Variants in CCDC60 observed in about 807,000 individuals in gnomAD.
The protein encoded by CCDC60 is coiled-coil domain-containing protein 60.
Under a neutral mutation model 63.5 loss-of-function variants are expected in CCDC60, and 54 were observed. The observed-to-expected ratio is 0.85, with a 90% CI of 0.68 to 1.07. CCDC60 has a LOEUF of 1.07. CCDC60 is among the 50% of genes least tolerant of loss of function. The pLI, the probability that CCDC60 is intolerant of heterozygous loss-of-function variation, is 0.00. For synonymous variants in CCDC60, 206 were observed against 238.8 expected, an observed-to-expected ratio of 0.86 and a Z score of 1.27; for missense variants, 651 against 684.3, an observed-to-expected ratio of 0.95 and a Z score of 0.54.
At chr12:119,516,729 G>A in intron 8 of CCDC60, 22 bp downstream of exon 8, 1 of 1,522,974 alleles carries the variant, frequency 6.6e-7, no homozygotes, top group Non-Finnish European at 9.1e-7. Flanking sequence ...TGACTCCTGG[G>A]GCAAATAAAG....
chr12:119,535,214 G>T (rs935914233), intron 13 of CCDC60, among the ~76,000 whole-genome samples: 1 of 151,932 alleles, frequency 6.6e-6, no homozygotes, highest in Non-Finnish European at 1.5e-5. Context: ...AGGTGTTTAT[G>T]GTATTCTCTG....
At position 119,418,308 on chromosome 12, in the gene CCDC60, T is replaced by A. The variant is rs183366213; in HGVS notation, c.91-10375T>A. Among the ~76,000 whole-genome samples, 163 of 151,336 alleles carry A rather than the reference T, an allele frequency of 1.1e-3. 2 individuals are homozygous for A. Among genetic ancestry groups the A allele is most frequent in the Middle Eastern group, 6.9e-3 (2 of 288 alleles). ...TACCGAAGGACATTCTCCTTCATAG[T>A]CACAATACAGTTAACACAGAAATTT... is the stretch of plus-strand genomic sequence containing the variant. On this transcript the variant is annotated intron_variant, in intron 1 of 13. Coordinates refer to ENST00000327554, the MANE Select transcript of CCDC60 (RefSeq NM_178499.5).
At chr12:119,354,427 G>A (rs1476347194) in intron 1 of CCDC60, among the ~76,000 whole-genome samples, 1 of 152,170 alleles carries the variant, frequency 6.6e-6, no homozygotes, top group Non-Finnish European at 1.5e-5. Context: ...ATAACAGAGT[G>A]GCTTAGGTAA....
chr12:119,476,378 C>G (rs945059228), intron 3 of CCDC60, among the ~76,000 whole-genome samples: 3 of 152,130 alleles, frequency 2.0e-5, no homozygotes, highest in African/African-American at 4.8e-5. Context: ...CATGGTTGAG[C>G]CAGTAAGAAA....
chr12:119,511,613 G>A (rs879150616), intron 7 of CCDC60, among the ~76,000 whole-genome samples: 2 of 152,198 alleles, frequency 1.3e-5, no homozygotes, highest in African/African-American at 4.8e-5. Context: ...ATGGATTTAG[G>A]CATTCAAGGG....
chr12:119,505,380 T>G (rs1951970299), intron 7 of CCDC60, 77 bp downstream of exon 7: 1 of 919,972 alleles, frequency 1.1e-6, no homozygotes, highest in Non-Finnish European at 1.7e-6. Context: ...CCCTCCTGCC[T>G]CAAGTCCACC....
Position 119,488,842 on chromosome 12 carries a change from C to T in CCDC60, c.533C>T (p.Pro178Leu). 3 of 1,614,188 alleles carry T rather than the reference C, an allele frequency of 1.9e-6. No individual in the cohort carries two copies. Among genetic ancestry groups the T allele is most frequent in the Non-Finnish European group, 2.5e-6 (3 of 1,179,994 alleles). ...GACCACACCCACCACACCATGAAGC[C>T]TGTGATCACCTGCTGGAACCCAAAG... Reference protein sequence around the residue: ...TIDHTHHTMKPVITCWNPKDP... With the variant: ...TIDHTHHTMKLVITCWNPKDP... The change falls in exon 5 of 14, where the codon CCT becomes CTT. Residue 178 changes from proline to leucine, a missense_variant. By Grantham distance (98) the Pro-to-Leu change is moderately conservative. Coordinates refer to ENST00000327554, the MANE Select transcript of CCDC60 (RefSeq NM_178499.5).
chr12:119,433,548 A>G (rs1396935673), intron 2 of CCDC60: 5 of 702,246 alleles, frequency 7.1e-6, no homozygotes, highest in African/African-American at 1.7e-5. Context: ...AGGAAACACC[A>G]TGTTTTCCAA....
At chr12:119,360,257 C>A (rs1322272828) in intron 1 of CCDC60, among the ~76,000 whole-genome samples, 1 of 150,966 alleles carries the variant, frequency 6.6e-6, no homozygotes, top group Non-Finnish European at 1.5e-5. Context: ...AGGCGCCCCT[C>A]ACCTCCCGGA....
chr12:119,357,925 G>C (rs770391594), intron 1 of CCDC60, among the ~76,000 whole-genome samples: 19 of 152,154 alleles, frequency 1.2e-4, no homozygotes, highest in Admixed American at 2.6e-4. Flanking sequence ...TCAGCTTCTG[G>C]GGAGACCTCA....
chr12:119,416,523 G>A (rs1370071713), intron 1 of CCDC60, among the ~76,000 whole-genome samples: 1 of 152,122 alleles, frequency 6.6e-6, no homozygotes, highest in Non-Finnish European at 1.5e-5. Flanking sequence ...TTATTACTGA[G>A]GCCCTTACAC....
chr12:119,389,472 C>G (rs1245224533), intron 1 of CCDC60, among the ~76,000 whole-genome samples: 1 of 152,058 alleles, frequency 6.6e-6, no homozygotes, highest in Admixed American at 6.5e-5. Context: ...CTATATTATT[C>G]CCCTGTGGTG....
At chr12:119,463,905 C>T (rs979077897) in intron 2 of CCDC60, among the ~76,000 whole-genome samples, 1 of 152,172 alleles carries the variant, frequency 6.6e-6, no homozygotes, top group African/African-American at 2.4e-5. Flanking sequence ...GTGCCCAGAC[C>T]ATCACTGTTA....
intron 6 of CCDC60, among the ~76,000 whole-genome samples, chr12:119,501,933 A>G (rs1275234650): frequency 6.6e-6 from 1 of 152,146 alleles, no homozygotes. Context: ...CCTCAGACAA[A>G]TCCTTTCCCC....
At chr12:119,355,573 G>C (rs1592986264) in intron 1 of CCDC60, among the ~76,000 whole-genome samples, 1 of 152,178 alleles carries the variant, frequency 6.6e-6, no homozygotes, top group Non-Finnish European at 1.5e-5. Flanking sequence ...AGCCCGGGAG[G>C]GTTCTTGGCT....
At chr12:119,437,007 A>G (rs569956147) in intron 2 of CCDC60, among the ~76,000 whole-genome samples, 2 of 152,212 alleles carry the variant, frequency 1.3e-5, no homozygotes, top group Non-Finnish European at 2.9e-5. Context: ...CCAGTAGGCT[A>G]GTTTGCCAAC....
intron 1 of CCDC60, among the ~76,000 whole-genome samples, chr12:119,359,027 C>T (rs1445341782): frequency 6.6e-6 from 1 of 152,134 alleles, no homozygotes; most frequent in African/African-American, 2.4e-5. Flanking sequence ...AAACAGTTAT[C>T]CATAGGGGTG....
At chr12:119,400,086 G>C (rs960145066) in intron 1 of CCDC60, among the ~76,000 whole-genome samples, 5 of 124,640 alleles carry the variant, frequency 4.0e-5, no homozygotes, top group African/African-American at 1.6e-4. Context: ...GTCTCACTCT[G>C]TCGCCCAGGC....
At chr12:119,418,386 C>T (rs372816176) in intron 1 of CCDC60, among the ~76,000 whole-genome samples, 45 of 65,728 alleles carry the variant, frequency 6.8e-4, no homozygotes, top group Non-Finnish European at 7.0e-4. Context: ...TTCTTTCTTT[C>T]TTTTTTTTTT....
Sources: allele counts gnomAD v4.1 joint callset (sites outside exome capture counted in the v4.1 genomes callset), GRCh38; gene constraint gnomAD v4.1.1; transcripts MANE v1.5; gene names NCBI Gene and HGNC (gene_info 2026-07-23, HGNC 2026-07-21).